The following ATP8A2 variants were observed in gnomAD, a reference collection of about 807,000 sequenced individuals.
The protein encoded by ATP8A2 is ATPase phospholipid transporting 8A2, also known as phospholipid-transporting ATPase IB.
In ATP8A2, 100 loss-of-function variants were observed where a neutral mutation model predicts 165.6. The observed-to-expected ratio is 0.60, with a 90% confidence interval of 0.51 to 0.71. ATP8A2 has a LOEUF of 0.71. Among genes scored for constraint, ATP8A2 ranks in the 30% least tolerant of loss-of-function variants. The probability of loss-of-function intolerance (pLI) is 0.00; values close to 1 mark genes in which losing one functional copy is unlikely to be tolerated. For missense variants in ATP8A2, 1,227 were observed against 1,479.5 expected (o/e 0.83, Z 2.80); for synonymous variants, 543 against 548.8 (o/e 0.99, Z 0.15).
At chr13:25,748,461 A>G (rs2044082917) in intron 25 of ATP8A2, among the ~76,000 whole-genome samples, 1 of 152,150 alleles carries the variant, frequency 6.6e-6, no homozygotes, top group Non-Finnish European at 1.5e-5. Context: ...ATTTAAGGGG[A>G]AAAAATTTTA....
At position 25,838,985 on chromosome 13, in the gene ATP8A2, A is replaced by G. The variant is rs140228216; in HGVS notation, c.2878-561A>G. Reference sequence around the variant, plus strand: ...ATTAAAATAAAGAGAATTTTCAAATATGCATGTTATCTAAAATCCCAAAAA... The same window carrying G: ...ATTAAAATAAAGAGAATTTTCAAATGTGCATGTTATCTAAAATCCCAAAAA... On this transcript the variant is annotated intron_variant, in intron 29 of 36. Transcript: ENST00000381655. Among the ~76,000 whole-genome samples the G allele has an allele frequency of 2.3e-3, 349 of 152,360 alleles. 1 individual carries two copies. Among genetic ancestry groups the G allele is most frequent in the African/African-American group, 8.1e-3 (335 of 41,586 alleles).
intron 24 of ATP8A2, among the ~76,000 whole-genome samples, chr13:25,695,332 A>G (rs2042812846): frequency 6.6e-6 from 1 of 152,196 alleles, no homozygotes; most frequent in African/African-American, 2.4e-5. Context: ...GGGTCTTGCC[A>G]TGACATTCAT....
intron 2 of ATP8A2, among the ~76,000 whole-genome samples, chr13:25,498,776 A>G (rs1281703595): frequency 6.6e-6 from 1 of 152,188 alleles, no homozygotes; most frequent in African/African-American, 2.4e-5. Flanking sequence ...ATTTCTGTTA[A>G]CTCAATGTTT....
At chr13:25,582,658 A>T (rs901571438) in intron 23 of ATP8A2, among the ~76,000 whole-genome samples, 4 of 152,236 alleles carry the variant, frequency 2.6e-5, no homozygotes, top group African/African-American at 9.6e-5. Context: ...CTCTATTTCT[A>T]TATCTGTTTC....
intron 33 of ATP8A2, among the ~76,000 whole-genome samples, chr13:25,929,204 G>A (rs973705546): frequency 3.3e-5 from 5 of 152,164 alleles, no homozygotes; most frequent in South Asian, 2.1e-4. Context: ...GTGAGCCAGA[G>A]TGGGCTGGAG....
intron 1 of ATP8A2, among the ~76,000 whole-genome samples, chr13:25,446,480 T>C (rs2035071527): frequency 6.6e-6 from 1 of 152,172 alleles, no homozygotes; most frequent in Non-Finnish European, 1.5e-5. Flanking sequence ...ATTTGTAACT[T>C]GTGTAACTGA....
intron 33 of ATP8A2, among the ~76,000 whole-genome samples, chr13:25,936,950 C>T (rs1342220801): frequency 6.6e-6 from 1 of 152,184 alleles, no homozygotes; most frequent in African/African-American, 2.4e-5. Flanking sequence ...CTTATTGAAG[C>T]AGCAGAAAGC....
At chr13:25,858,699 G>T (rs1566209427) in intron 30 of ATP8A2, among the ~76,000 whole-genome samples, 1 of 152,194 alleles carries the variant, frequency 6.6e-6, no homozygotes, top group Non-Finnish European at 1.5e-5. Context: ...ATGTATAGCA[G>T]CTACTGGTTG....
chr13:25,393,306 A>AT (rs1430821556), intron 1 of ATP8A2, among the ~76,000 whole-genome samples: 1 of 151,744 alleles, frequency 6.6e-6, no homozygotes, highest in East Asian at 1.9e-4. Context: ...ATTATCTTTT[A>AT]TTTTTTGTAG....
At chr13:25,377,028 T>C (rs181484043) in intron 1 of ATP8A2, among the ~76,000 whole-genome samples, 78 of 152,336 alleles carry the variant, frequency 5.1e-4, no homozygotes, top group African/African-American at 1.7e-3. Flanking sequence ...GCGGACGCCT[T>C]CCGTTGTCCA....
At chr13:25,707,895 C>G (rs763445037) in intron 25 of ATP8A2, among the ~76,000 whole-genome samples, 4 of 152,184 alleles carry the variant, frequency 2.6e-5, no homozygotes, top group Non-Finnish European at 4.4e-5. Flanking sequence ...GCCCTTTCCT[C>G]TTTTGGCAGT....
intron 24 of ATP8A2, among the ~76,000 whole-genome samples, chr13:25,609,534 G>GGGATTCAAATATATATATATATTTTT (rs2040605192): frequency 2.4e-5 from 1 of 42,218 alleles, no homozygotes; most frequent in Non-Finnish European, 7.2e-5. Context: ...ATATATATTT[G>GGGATTCAAATATATATATATATTTTT]GGATTCAAAT....
intron 29 of ATP8A2, among the ~76,000 whole-genome samples, chr13:25,837,677 C>T (rs1285312241): frequency 6.6e-6 from 1 of 152,084 alleles, no homozygotes; most frequent in Non-Finnish European, 1.5e-5. Context: ...ATGTGGAGGC[C>T]TGTTGGCAGC....
chr13:25,681,089 T>C (rs1029563431), intron 24 of ATP8A2, among the ~76,000 whole-genome samples: 1 of 152,162 alleles, frequency 6.6e-6, no homozygotes, highest in East Asian at 1.9e-4. Context: ...AAATAGAAAT[T>C]CTAGAATGGC....
chr13:25,942,286 A>T (rs1955091685), intron 33 of ATP8A2, among the ~76,000 whole-genome samples: 1 of 152,208 alleles, frequency 6.6e-6, no homozygotes, highest in Non-Finnish European at 1.5e-5. Context: ...ATTTGTGGAC[A>T]TGAATGAATT....
intron 27 of ATP8A2, among the ~76,000 whole-genome samples, chr13:25,784,406 G>C (rs74926065): frequency 0.026 from 4,023 of 152,240 alleles, 170 homozygotes; most frequent in African/African-American, 0.091. Flanking sequence ...TTCACCTCAC[G>C]AATTCCAATT....
intron 6 of ATP8A2, among the ~76,000 whole-genome samples, chr13:25,536,825 A>T (rs2038300912): frequency 6.6e-6 from 1 of 152,192 alleles, no homozygotes; most frequent in Admixed American, 6.5e-5. Context: ...GCTCCCACTG[A>T]TGGAGACTGA....
intron 24 of ATP8A2, among the ~76,000 whole-genome samples, chr13:25,605,826 A>G (rs2040502558): frequency 2.0e-5 from 3 of 152,196 alleles, no homozygotes; most frequent in South Asian, 4.1e-4. Flanking sequence ...TTTAATGTCT[A>G]GGAAAAGATC....
intron 24 of ATP8A2, among the ~76,000 whole-genome samples, chr13:25,604,778 A>G (rs1229551075): frequency 2.6e-5 from 4 of 152,350 alleles, no homozygotes; most frequent in African/African-American, 7.2e-5. Context: ...CTGTAGCTAC[A>G]TAACAAATCA....
Sources: allele counts gnomAD v4.1 joint callset (sites outside exome capture counted in the v4.1 genomes callset), GRCh38; gene constraint gnomAD v4.1.1; transcripts MANE v1.5; gene names NCBI Gene and HGNC (gene_info 2026-07-23, HGNC 2026-07-21).